The following FMNL2 variants were observed in gnomAD, a reference collection of about 807,000 sequenced individuals.
The protein encoded by FMNL2 is formin like 2, also known as formin-like protein 2.
FMNL2 carries 51 observed loss-of-function variants against 130.2 expected under a neutral mutation model. The observed-to-expected ratio is 0.39, with a 90% CI of 0.31 to 0.49. FMNL2 has a LOEUF of 0.49. Among genes scored for constraint, FMNL2 ranks in the 20% least tolerant of loss-of-function variants. FMNL2 has a pLI of 0.85. For synonymous variants in FMNL2, 465 were observed against 467.1 expected (o/e 1.00, Z 0.06); for missense variants, 977 against 1,316.2 (o/e 0.74, Z 3.99).
At chr2:152,492,825 A>G (rs1009191705) in intron 1 of FMNL2, among the ~76,000 whole-genome samples, 3 of 152,242 alleles carry the variant, frequency 2.0e-5, no homozygotes, top group African/African-American at 7.2e-5. Context: ...TGTTTTAACA[A>G]AGAGGCAGTG....
chr2:152,460,183 T>A (rs946714044), intron 1 of FMNL2, among the ~76,000 whole-genome samples: 1 of 152,184 alleles, frequency 6.6e-6, no homozygotes, highest in African/African-American at 2.4e-5. Context: ...CATTTGGTGG[T>A]CTGATGATAC....
intron 1 of FMNL2, among the ~76,000 whole-genome samples, chr2:152,470,781 C>A (rs540075497): frequency 6.6e-6 from 1 of 152,208 alleles, no homozygotes; most frequent in East Asian, 1.9e-4. Flanking sequence ...AGGAGTGAAT[C>A]GTATGTTCTG....
At chr2:152,357,297 T>C (rs1227011508) in intron 1 of FMNL2, among the ~76,000 whole-genome samples, 25 of 66,596 alleles carry the variant, frequency 3.8e-4, no homozygotes, top group African/African-American at 9.7e-4. Flanking sequence ...TCACGATAAA[T>C]ATTAAATCAG....
chr2:152,454,757 A>G (rs1376238039), intron 1 of FMNL2, among the ~76,000 whole-genome samples: 2 of 152,218 alleles, frequency 1.3e-5, no homozygotes, highest in African/African-American at 4.8e-5. Flanking sequence ...TCATCAGCAT[A>G]CAAGAGGAAG....
At chr2:152,380,983 A>G (rs1684430359) in intron 1 of FMNL2, among the ~76,000 whole-genome samples, 1 of 152,212 alleles carries the variant, frequency 6.6e-6, no homozygotes, top group African/African-American at 2.4e-5. Flanking sequence ...AGGAAAATGT[A>G]TATAATGCCT....
At chr2:152,389,788 C>G in intron 1 of FMNL2, 1 of 1,479,452 alleles carries the variant, frequency 6.8e-7, no homozygotes, top group Non-Finnish European at 9.4e-7. Context: ...CTTCCTTCGA[C>G]GCAAAACAGA....
At position 152,619,598 on chromosome 2, in the gene FMNL2, C is replaced by G; in HGVS notation, c.1717C>G (p.Pro573Ala). ...TCCCCCACCGCCCCCTCCGCCTCCTCCTCTCCCAGGCCCTGCAGCTGAGAC... is the reference window on the plus strand; with the variant it reads ...TCCCCCACCGCCCCCTCCGCCTCCTGCTCTCCCAGGCCCTGCAGCTGAGAC... ...PPPPPPPPPP[P>A]LPGPAAETVP... is the part of the protein sequence containing the mutation. The change falls in exon 15 of 26, where the codon CCT (proline) becomes GCT (alanine). Residue 573 changes from proline to alanine, a missense_variant. Pro to Ala is a conservative substitution (Grantham distance 27, BLOSUM62 -1). This residue lies in a region of FMNL2 where 689 missense variants were observed against 995.9 expected (regional missense o/e 0.69). Transcript: ENST00000288670. 1.3e-6 allele frequency: 2 copies of G among 1,592,146 alleles called. No individual in the cohort carries two copies. The highest frequency in any genetic ancestry group is 1.7e-6 in the Non-Finnish European group (2 of 1,170,568).
At chr2:152,605,119 G>T (rs1365669846) in intron 9 of FMNL2, among the ~76,000 whole-genome samples, 1 of 151,700 alleles carries the variant, frequency 6.6e-6, no homozygotes, top group African/African-American at 2.4e-5. Flanking sequence ...TGTCTAGGGG[G>T]GCCAGCTGAG....
chr2:152,367,886 T>A (rs1436224961), intron 1 of FMNL2, among the ~76,000 whole-genome samples: 1 of 152,232 alleles, frequency 6.6e-6, no homozygotes, highest in African/African-American at 2.4e-5. Context: ...AACTAATATG[T>A]ATCACGCCAC....
rs943972490 is a variant in FMNL2, at chr2:152,464,267, A to G, written c.118-57676A>G. Among the ~76,000 whole-genome samples, 111 of 152,242 alleles carry G rather than the reference A, an allele frequency of 7.3e-4. 1 individual carries two copies. The highest frequency in any genetic ancestry group is 2.4e-3 in the African/African-American group (100 of 41,568). ...CCACTGATGGTTAATTTTCAAATGT[A>G]TCTTCCTCCTCTGCTTTTCTGTGGG... On this transcript the variant is annotated intron_variant, in intron 1 of 25. Transcript: ENST00000288670.
In FMNL2 at chr2:152,376,709, T is replaced by C. The variant is rs115453357; in HGVS notation, c.117+40989T>C. Among the ~76,000 whole-genome samples, 391 of 152,342 alleles carry C rather than the reference T, an allele frequency of 2.6e-3. 1 individual carries two copies. The highest frequency in any genetic ancestry group is 9.2e-3 in the African/African-American group (381 of 41,584). On this transcript the variant is annotated intron_variant, in intron 1 of 25. Transcript: ENST00000288670. ...AATGTTGGCTGTGCTAAGCTTTTCC[T>C]TTGGCTCTTCTTTATTCTCAGAGGC...
Position 152,385,019 on chromosome 2 carries a change from A to G in FMNL2, c.117+49299A>G, listed in dbSNP as rs978111106. 3.3e-5 allele frequency among the ~76,000 whole-genome samples: 5 copies of G among 152,178 alleles called. No individual in the cohort carries two copies. In the East Asian group the frequency reaches 7.7e-4, roughly 23 times the overall value. ...TTTTTTAGCAAGAAACTCCGAGGCC[A>G]TGCTCCCTATCTTTGTCTAACTCCT... On this transcript the variant is annotated intron_variant, in intron 1 of 25. Coordinates refer to ENST00000288670, the MANE Select transcript of FMNL2 (RefSeq NM_052905.4).
rs1301132181 is a variant in FMNL2, at chr2:152,585,733, G to A, written c.876+4684G>A. 2.0e-5 allele frequency among the ~76,000 whole-genome samples: 3 copies of A among 152,230 alleles called. No homozygotes were observed. The East Asian group carries it at 5.8e-4, about 29-fold the overall frequency. On this transcript the variant is annotated intron_variant, in intron 9 of 25. Coordinates refer to ENST00000288670, the MANE Select transcript of FMNL2 (RefSeq NM_052905.4). ...CATAAAACTCTTATCTACTGGTTAA[G>A]GACCTCAACCAGTCCCCACTTCAGA...
At chr2:152,579,009 A>C in intron 8 of FMNL2, 45 bp downstream of exon 8, 1 of 1,499,752 alleles carries the variant, frequency 6.7e-7, no homozygotes. Context: ...ATCTAGAGAA[A>C]ACAGAGGGCT....
At chr2:152,553,619 G>A (rs1695052518) in intron 4 of FMNL2, among the ~76,000 whole-genome samples, 1 of 148,862 alleles carries the variant, frequency 6.7e-6, no homozygotes, top group Admixed American at 6.7e-5. Context: ...TTGTTTAGAT[G>A]TGTCAAATCT....
chr2:152,644,961 G>T (rs1453321930), intron 25 of FMNL2, among the ~76,000 whole-genome samples: 2 of 152,176 alleles, frequency 1.3e-5, no homozygotes, highest in Non-Finnish European at 2.9e-5. Flanking sequence ...ACTCTAATTG[G>T]ACGTAGCCAT....
chr2:152,641,782 G>C lies in FMNL2; in HGVS notation c.3169+868G>C, dbSNP rs183906675. On this transcript the variant is annotated intron_variant, in intron 25 of 25. Coordinates refer to ENST00000288670, the MANE Select transcript of FMNL2 (RefSeq NM_052905.4). ...ATTTCACTTGGAAATATTTCAGTATGTATCTTCAAAAGATAAGGACTCTTA... is the reference window on the plus strand; with the variant it reads ...ATTTCACTTGGAAATATTTCAGTATCTATCTTCAAAAGATAAGGACTCTTA... Among the ~76,000 whole-genome samples, 4 of 152,180 alleles carry C rather than the reference G, an allele frequency of 2.6e-5. No homozygotes were observed. The East Asian group carries it at 7.7e-4, about 29-fold the overall frequency.
Position 152,371,502 on chromosome 2 carries a change from C to G in FMNL2, c.117+35782C>G, listed in dbSNP as rs183905890. Among the ~76,000 whole-genome samples the G allele has an allele frequency of 6.9e-3, 1,044 of 151,874 alleles. 14 individuals carry two copies. Among genetic ancestry groups the G allele is most frequent in the African/African-American group, 0.024 (1,014 of 41,406 alleles). On this transcript the variant is annotated intron_variant, in intron 1 of 25. Transcript: ENST00000288670. ...TGGCCAACATGGTGAATCCCTATCT[C>G]TACTAAAAGTACAAAAATTAGCTGG...
chr2:152,389,371 G>A (rs1684969272), intron 1 of FMNL2, among the ~76,000 whole-genome samples: 1 of 152,028 alleles, frequency 6.6e-6, no homozygotes, highest in East Asian at 1.9e-4. Context: ...TTTTTTAGGG[G>A]CACTAATCGC....
Sources: gnomAD v4.1 joint callset for allele counts (sites outside exome capture counted in the v4.1 genomes callset) on GRCh38, gnomAD v4.1.1 for gene constraint, gnomAD v4.1.1 regional missense constraint, MANE v1.5 for transcripts, NCBI Gene and HGNC (gene_info 2026-07-23, HGNC 2026-07-21) for gene names.